Variants in PDE10A observed in about 807,000 individuals in gnomAD.
PDE10A encodes the protein phosphodiesterase 10A.
Under a neutral mutation model 97.7 loss-of-function variants are expected in PDE10A, and 39 were observed. The observed-to-expected ratio is 0.40, with a 90% CI of 0.31 to 0.52. The LOEUF (loss-of-function observed/expected upper bound fraction) is 0.52, where lower values mean the gene tolerates loss of function less well. Among genes scored for constraint, PDE10A ranks in the 20% least tolerant of loss-of-function variants. The probability of loss-of-function intolerance (pLI) is 0.56; values close to 1 mark genes in which losing one functional copy is unlikely to be tolerated. For synonymous variants in PDE10A, 371 were observed against 376.8 expected (o/e 0.98, Z 0.18); for missense variants, 731 against 1,047.8 (o/e 0.70, Z 4.17).
chr6:165,860,105 G>A (rs943463758), intron 1 of PDE10A, among the ~76,000 whole-genome samples: 27 of 152,138 alleles, frequency 1.8e-4, no homozygotes, highest in Non-Finnish European at 3.4e-4. Context: ...CTGCTTGGGT[G>A]ATGGGGGCAC....
chr6:165,555,305 C>T (rs1185834979), intron 1 of PDE10A, among the ~76,000 whole-genome samples: 1 of 151,926 alleles, frequency 6.6e-6, no homozygotes, highest in East Asian at 1.9e-4. Flanking sequence ...TAGTATGTAC[C>T]CACAACATTT....
chr6:165,871,177 G>T (rs970793165), intron 1 of PDE10A, among the ~76,000 whole-genome samples: 1 of 152,150 alleles, frequency 6.6e-6, no homozygotes. Context: ...CACAGCGTAC[G>T]CATGTATTGA....
chr6:165,687,364 G>A (rs1791150164), intron 1 of PDE10A, among the ~76,000 whole-genome samples: 1 of 152,224 alleles, frequency 6.6e-6, no homozygotes, highest in Non-Finnish European at 1.5e-5. Flanking sequence ...TTAACATGAA[G>A]GTAAAGGGTC....
In PDE10A at chr6:165,976,538, T is replaced by C. The variant is rs74699950; in HGVS notation, c.-615+10991A>G. ...ATTCCTACCTGGAGACACCAGAGCC[T>C]TTGCCAAGGTTTCAAAGAATATTCT... On this transcript the variant is annotated intron_variant, in intron 1 of 19. Transcript: ENST00000366882. 7.7e-3 allele frequency among the ~76,000 whole-genome samples: 1,173 copies of C among 152,308 alleles called. 14 individuals are homozygous for C. The highest frequency in any genetic ancestry group is 0.027 in the African/African-American group (1,128 of 41,554).
At chr6:165,569,844 G>A (rs996708542) in intron 1 of PDE10A, among the ~76,000 whole-genome samples, 1 of 152,088 alleles carries the variant, frequency 6.6e-6, no homozygotes, top group Non-Finnish European at 1.5e-5. Context: ...TTGCTGTTAA[G>A]AGAAAAAGAA....
chr6:165,943,166 A>G (rs1216626523), intron 1 of PDE10A, among the ~76,000 whole-genome samples: 10 of 81,782 alleles, frequency 1.2e-4, no homozygotes, highest in African/African-American at 3.9e-4. Flanking sequence ...AGAGAGAAGA[A>G]AGAAAGAAAA....
intron 1 of PDE10A, among the ~76,000 whole-genome samples, chr6:165,741,797 G>T (rs548411902): frequency 6.6e-6 from 1 of 152,272 alleles, no homozygotes; most frequent in African/African-American, 2.4e-5. Context: ...GTTTATCCAT[G>T]TCTTTAATGA....
At chr6:165,867,828 T>A (rs1036322547) in intron 1 of PDE10A, among the ~76,000 whole-genome samples, 1 of 152,014 alleles carries the variant, frequency 6.6e-6, no homozygotes. Flanking sequence ...ATTAAGTATC[T>A]TCTCAGACTA....
chr6:165,501,972 A>T (rs1406167866), intron 2 of PDE10A, among the ~76,000 whole-genome samples: 5 of 152,222 alleles, frequency 3.3e-5, no homozygotes, highest in African/African-American at 4.8e-5. Context: ...ACCAAAACAG[A>T]ATCTAGAAAT....
At chr6:165,891,390 G>C (rs1444065888) in intron 1 of PDE10A, among the ~76,000 whole-genome samples, 1 of 152,122 alleles carries the variant, frequency 6.6e-6, no homozygotes, top group African/African-American at 2.4e-5. Flanking sequence ...TGCATTTGGG[G>C]GTGAGTTGTC....
intron 3 of PDE10A, among the ~76,000 whole-genome samples, chr6:165,459,843 G>A (rs1035048056): frequency 8.5e-5 from 13 of 152,136 alleles, no homozygotes; most frequent in Non-Finnish European, 1.9e-4. Flanking sequence ...TGCTTTAACT[G>A]TGGGAAGCAT....
chr6:165,911,557 C>T (rs1397013079), intron 1 of PDE10A, among the ~76,000 whole-genome samples: 1 of 152,192 alleles, frequency 6.6e-6, no homozygotes, highest in Non-Finnish European at 1.5e-5. Context: ...TCTACACTGT[C>T]TCTGGGGCGG....
At chr6:165,946,618 TGTTA>T (rs1289723717) in intron 1 of PDE10A, among the ~76,000 whole-genome samples, 2 of 152,204 alleles carry the variant, frequency 1.3e-5, no homozygotes, top group Admixed American at 6.5e-5. Context: ...GTTATGTATA[TGTTA>T]GTTAGCTTGA....
chr6:165,735,913 A>T (rs1792564379), intron 1 of PDE10A, among the ~76,000 whole-genome samples: 1 of 152,240 alleles, frequency 6.6e-6, no homozygotes, highest in Non-Finnish European at 1.5e-5. Context: ...GAGAAAATTT[A>T]AAAATCACCA....
intron 1 of PDE10A, among the ~76,000 whole-genome samples, chr6:165,918,511 G>C (rs1038817143): frequency 1.1e-4 from 16 of 152,188 alleles, no homozygotes; most frequent in African/African-American, 3.9e-4. Context: ...TATTTAAGCA[G>C]CCAATCGTTC....
chr6:165,920,324 A>G (rs1782719763), intron 1 of PDE10A, among the ~76,000 whole-genome samples: 1 of 152,188 alleles, frequency 6.6e-6, no homozygotes, highest in African/African-American at 2.4e-5. Context: ...TTGCAAAACT[A>G]CACTTTATCT....
intron 1 of PDE10A, among the ~76,000 whole-genome samples, chr6:165,842,771 T>C (rs1487368226): frequency 6.6e-6 from 1 of 152,138 alleles, no homozygotes; most frequent in Admixed American, 6.5e-5. Flanking sequence ...AAGTTAGTGG[T>C]GGAAGAGGCA....
intron 1 of PDE10A, among the ~76,000 whole-genome samples, chr6:165,690,155 G>A (rs910539156): frequency 6.6e-6 from 1 of 152,254 alleles, no homozygotes; most frequent in Middle Eastern, 3.4e-3. Flanking sequence ...CATAGCTTAT[G>A]ATTCTTCTTC....
chr6:165,503,262 A>G (rs1161553105), intron 2 of PDE10A, among the ~76,000 whole-genome samples: 1 of 152,124 alleles, frequency 6.6e-6, no homozygotes, highest in Non-Finnish European at 1.5e-5. Flanking sequence ...TTATTCCTCC[A>G]CATTTACTAA....
Sources: allele counts gnomAD v4.1 joint callset (sites outside exome capture counted in the v4.1 genomes callset), GRCh38; gene constraint gnomAD v4.1.1; transcripts MANE v1.5; gene names NCBI Gene and HGNC (gene_info 2026-07-23, HGNC 2026-07-21).